ZNF519: variants seen among roughly 807,000 people sequenced by gnomAD.
ZNF519 encodes zinc finger protein 519.
ZNF519 carries 7 observed loss-of-function variants against 7.4 expected under a neutral mutation model. That is an observed-to-expected ratio of 0.94 (90% CI 0.54 to 1.77). The LOEUF is 1.77. ZNF519 is among the 40% of genes most tolerant of loss of function. ZNF519 has a pLI of 0.00. For missense variants in ZNF519, 586 were observed against 623.1 expected (o/e 0.94, Z 0.63); for synonymous variants, 179 against 203.3 (o/e 0.88, Z 1.02).
intron 2 of ZNF519, among the ~76,000 whole-genome samples, chr18:14,108,902 T>C (rs2046207763): frequency 6.6e-6 from 1 of 151,864 alleles, no homozygotes; most frequent in African/African-American, 2.4e-5. Flanking sequence ...ACCAGCCTGA[T>C]TAACATGGAG....
At chr18:14,109,935 A>C (rs1261933107) in intron 2 of ZNF519, among the ~76,000 whole-genome samples, 4 of 152,192 alleles carry the variant, frequency 2.6e-5, no homozygotes, top group Non-Finnish European at 5.9e-5. Context: ...CCTACTTCAA[A>C]TTATACTACA....
chr18:14,107,472 G>A (rs988809178), intron 2 of ZNF519, among the ~76,000 whole-genome samples: 12 of 152,206 alleles, frequency 7.9e-5, no homozygotes, highest in Non-Finnish European at 1.8e-4. Flanking sequence ...GGGACTCTGA[G>A]GCTTGCTAGA....
intron 2 of ZNF519, 72 bp downstream of exon 2, chr18:14,124,278 G>C (rs1196903950): frequency 7.1e-7 from 1 of 1,417,946 alleles, no homozygotes. Flanking sequence ...AAGCTCTCAA[G>C]AGACAGTCTA....
At chr18:14,106,541 G>A (rs528890919) in intron 2 of ZNF519, 132 bp from the exon 3 acceptor site, 7 of 648,002 alleles carry the variant, frequency 1.1e-5, no homozygotes, top group Non-Finnish European at 1.7e-5. Context: ...AGAAAGGACA[G>A]AGCAAGATGG....
chr18:14,092,949 A>C (rs1443877779), intron 2 of ZNF519, among the ~76,000 whole-genome samples: 1 of 152,216 alleles, frequency 6.6e-6, no homozygotes, highest in African/African-American at 2.4e-5. Flanking sequence ...GAGAAAACTC[A>C]AGACTGCCAA....
chr18:14,080,655 T>TTTGATTCAG (rs1347696632), intron 3 of ZNF519, among the ~76,000 whole-genome samples: 1 of 152,132 alleles, frequency 6.6e-6, no homozygotes. Flanking sequence ...GCTCTTACTA[T>TTTGATTCAG]TTGATTCAGT....
intron 2 of ZNF519, among the ~76,000 whole-genome samples, chr18:14,116,485 G>A (rs1377762195): frequency 6.6e-6 from 1 of 152,026 alleles, no homozygotes; most frequent in Non-Finnish European, 1.5e-5. Flanking sequence ...GGAACAGAAT[G>A]GAGAACTCAA....
At chr18:14,109,616 T>A (rs533490962) in intron 2 of ZNF519, among the ~76,000 whole-genome samples, 2 of 152,238 alleles carry the variant, frequency 1.3e-5, no homozygotes, top group Non-Finnish European at 2.9e-5. Context: ...GAAAGGCCAA[T>A]GGGTCAATGA....
At chr18:14,123,757 T>A (rs1375200008) in intron 2 of ZNF519, among the ~76,000 whole-genome samples, 4 of 152,052 alleles carry the variant, frequency 2.6e-5, no homozygotes, top group Admixed American at 2.6e-4. Flanking sequence ...AAAATGAATG[T>A]AAAGGTGTGG....
At position 14,103,112 on chromosome 18, in the gene ZNF519, G is replaced by A. The variant is rs1053883245; in HGVS notation, c.*1805C>T. On this transcript the variant is annotated 3_prime_UTR_variant, in exon 3 of 3. Transcript: ENST00000590202. ...ATCCATTATTTGGAGTTTATCAGAA[G>A]TATAGAAACTTCTATACTCCAATGT... 1.9e-4 allele frequency: 29 copies of A among 152,160 alleles called. No individual in the cohort carries two copies. Among genetic ancestry groups the A allele is most frequent in the African/African-American group, 6.7e-4 (28 of 41,550 alleles). The allele number at this position is 152,160 out of a possible 1,614,324, so 9.4% of individuals were successfully genotyped here.
At position 14,132,435 on chromosome 18, in the gene ZNF519, A is replaced by G. The variant is rs2046336143; in HGVS notation, c.-158T>C. 1.2e-6 allele frequency: 1 copy of G among 853,978 alleles called. No individual in the cohort carries two copies. The highest frequency in any genetic ancestry group is 1.9e-6 in the Non-Finnish European group (1 of 538,314). 52.9% of individuals were successfully genotyped at this position (853,978 alleles called of 1,614,324 possible). A position where few individuals can be genotyped will look rare whatever the true frequency, so the allele number is the denominator to read the frequency against. ...CCCCGCGCTCTGGCTGAAGTGAGACAAAGGCCGCGCCAGATTCCGGAAGCC... is the reference window on the plus strand; with the variant it reads ...CCCCGCGCTCTGGCTGAAGTGAGACGAAGGCCGCGCCAGATTCCGGAAGCC... On this transcript the variant is annotated 5_prime_UTR_variant, in exon 1 of 3. Coordinates refer to ENST00000590202, the MANE Select transcript of ZNF519 (RefSeq NM_145287.4).
At chr18:14,089,254 T>C (rs2046104240) in intron 2 of ZNF519, among the ~76,000 whole-genome samples, 3 of 152,200 alleles carry the variant, frequency 2.0e-5, no homozygotes, top group South Asian at 4.1e-4. Context: ...GTATTTCCTA[T>C]AAGATAAATG....
At chr18:14,073,223 C>T (rs1026636024), downstream of ZNF519, 3 of 151,372 alleles carry the variant, frequency 2.0e-5, no homozygotes, top group South Asian at 6.3e-4. Flanking sequence ...GAAAAGTTTG[C>T]ATGGAAATTT....
At chr18:14,116,712 G>C (rs1464036652) in intron 2 of ZNF519, among the ~76,000 whole-genome samples, 1 of 152,094 alleles carries the variant, frequency 6.6e-6, no homozygotes, top group Non-Finnish European at 1.5e-5. Context: ...ATTTTTGGAG[G>C]AAAATATAGG....
At chr18:14,088,557 T>C (rs375324081) in intron 2 of ZNF519, among the ~76,000 whole-genome samples, 1 of 152,196 alleles carries the variant, frequency 6.6e-6, no homozygotes, top group African/African-American at 2.4e-5. Context: ...AGGTTCAAAA[T>C]TCCTTAAATT....
chr18:14,104,314 T>C lies in ZNF519; in HGVS notation c.*603A>G, dbSNP rs2046176621. The stretch of plus-strand genomic sequence containing the variant: ...AATAATATTCTGAACACCTAACTCA[T>C]ATATGACTTATATTCAGTGTTGTAA... On this transcript the variant is annotated 3_prime_UTR_variant, in exon 3 of 3. Coordinates refer to ENST00000590202, the MANE Select transcript of ZNF519 (RefSeq NM_145287.4). 6.6e-6 allele frequency: 1 copy of C among 152,240 alleles called. No individual in the cohort carries two copies. Among genetic ancestry groups the C allele is most frequent in the Non-Finnish European group, 1.5e-5 (1 of 68,062 alleles). 9.4% of individuals were successfully genotyped at this position (152,240 alleles called of 1,614,324 possible).
rs771351740 is a variant in ZNF519, at chr18:14,101,679, C to A, written c.*3238G>T. Reference sequence around the variant, plus strand: ...ACCATCTCTACACCCACACCCCAATCGAGGCAGGAATGGCCATGACAGCAT... The same window carrying A: ...ACCATCTCTACACCCACACCCCAATAGAGGCAGGAATGGCCATGACAGCAT... On this transcript the variant is annotated 3_prime_UTR_variant, in exon 3 of 3. Coordinates refer to ENST00000590202, the MANE Select transcript of ZNF519 (RefSeq NM_145287.4). 2.5e-6 allele frequency: 1 copy of A among 398,654 alleles called. No homozygotes were observed. Among genetic ancestry groups the A allele is most frequent in the East Asian group, 3.6e-5 (1 of 28,070 alleles). 24.7% of individuals were successfully genotyped at this position (398,654 alleles called of 1,614,324 possible).
intron 2 of ZNF519, among the ~76,000 whole-genome samples, chr18:14,089,001 T>A (rs943088192): frequency 2.0e-4 from 31 of 152,182 alleles, no homozygotes; most frequent in Admixed American, 5.9e-4. Flanking sequence ...ATTTATTTTT[T>A]AAAAATTACC....
intron 2 of ZNF519, among the ~76,000 whole-genome samples, chr18:14,119,996 G>A (rs1044422565): frequency 1.3e-5 from 2 of 152,066 alleles, no homozygotes; most frequent in African/African-American, 2.4e-5. Context: ...ATTATCCAAA[G>A]TAATCTACGG....
Sources: gnomAD v4.1 joint callset for allele counts (sites outside exome capture counted in the v4.1 genomes callset) on GRCh38, gnomAD v4.1.1 for gene constraint, MANE v1.5 for transcripts, NCBI Gene and HGNC (gene_info 2026-07-23, HGNC 2026-07-21) for gene names.